The following NINL variants were observed in gnomAD, a reference collection of about 807,000 sequenced individuals.
The protein encoded by NINL is ninein-like protein.
NINL carries 153 observed loss-of-function variants against 160.3 expected under a neutral mutation model. The observed-to-expected ratio is 0.95, with a 90% confidence interval of 0.84 to 1.09. NINL has a LOEUF of 1.09. NINL is among the 50% of genes least tolerant of loss of function. The pLI is 0.00. For synonymous variants in NINL, 800 were observed against 734.8 expected, an observed-to-expected ratio of 1.09 and a Z score of -1.43; for missense variants, 1,829 against 1,764.0, an observed-to-expected ratio of 1.04 and a Z score of -0.66.
chr20:25,455,439 C>T (rs117317877), intron 23 of NINL, among the ~76,000 whole-genome samples: 2,431 of 152,278 alleles, frequency 0.016, 36 homozygotes, highest in Non-Finnish European at 0.026. Context: ...ACTACATGAA[C>T]AAATGAACGG....
At position 25,461,506 on chromosome 20, in the gene NINL, C is replaced by G. The variant is rs777242361; in HGVS notation, c.3696+16G>C. On this transcript the variant is annotated intron_variant, in intron 21 of 23. Coordinates refer to ENST00000278886, the MANE Select transcript of NINL (RefSeq NM_025176.6). ...TGGGACTGGACCCAGTGCCTCCAGC[C>G]ATCGCTCACACCCACCTGGTCTTGA... 3 of 1,482,812 alleles carry G rather than the reference C, an allele frequency of 2.0e-6. No homozygotes were observed. Among genetic ancestry groups the G allele is most frequent in the Non-Finnish European group, 2.7e-6 (3 of 1,099,124 alleles). 91.9% of individuals were successfully genotyped at this position (1,482,812 alleles called of 1,614,324 possible). A position where few individuals can be genotyped will look rare whatever the true frequency, so the allele number is the denominator to read the frequency against.
At chr20:25,491,146 T>C (rs1345682228) in intron 11 of NINL, among the ~76,000 whole-genome samples, 2 of 152,220 alleles carry the variant, frequency 1.3e-5, no homozygotes, top group East Asian at 1.9e-4. Context: ...AGGGGCAATG[T>C]CCTGCTGGCA....
intron 4 of NINL, among the ~76,000 whole-genome samples, chr20:25,511,562 C>T (rs1217613238): frequency 6.6e-6 from 1 of 152,134 alleles, no homozygotes; most frequent in Non-Finnish European, 1.5e-5. Flanking sequence ...TACGCAACCC[C>T]ATTTTTTTAA....
chr20:25,453,717 C>T (rs902614639), intron 23 of NINL, 75 bp from the exon 24 acceptor site: 1 of 1,379,814 alleles, frequency 7.2e-7, no homozygotes. Flanking sequence ...TCTCTTTTAT[C>T]CTCCCAGGTT....
At chr20:25,487,092 C>T (rs1020746189) in intron 13 of NINL, among the ~76,000 whole-genome samples, 15 of 152,194 alleles carry the variant, frequency 9.9e-5, no homozygotes, top group Non-Finnish European at 4.4e-5. Context: ...ACCAGTTGTG[C>T]TGTGGCATCA....
At chr20:25,483,948 G>A (rs1277987633) in intron 13 of NINL, among the ~76,000 whole-genome samples, 5 of 152,234 alleles carry the variant, frequency 3.3e-5, no homozygotes, top group Non-Finnish European at 5.9e-5. Flanking sequence ...GACAGCAGAA[G>A]TGATGCCACG....
At chr20:25,565,723 G>C (rs2064991771) in intron 1 of NINL, among the ~76,000 whole-genome samples, 1 of 152,188 alleles carries the variant, frequency 6.6e-6, no homozygotes, top group African/African-American at 2.4e-5. Flanking sequence ...TTCCAGGGCA[G>C]ATTAGCATGG....
intron 10 of NINL, among the ~76,000 whole-genome samples, chr20:25,493,375 G>A (rs978221109): frequency 1.3e-5 from 2 of 152,106 alleles, no homozygotes; most frequent in African/African-American, 4.8e-5. Context: ...GCACCAACAG[G>A]GATAGGTGGA....
At chr20:25,532,221 G>A (rs543175427) in intron 1 of NINL, among the ~76,000 whole-genome samples, 111 of 152,350 alleles carry the variant, frequency 7.3e-4, no homozygotes, top group African/African-American at 2.5e-3. Flanking sequence ...CCTTCCATGC[G>A]TGGGGCTCTC....
chr20:25,541,666 C>CTA (rs902733616), intron 1 of NINL, among the ~76,000 whole-genome samples: 43 of 152,252 alleles, frequency 2.8e-4, no homozygotes, highest in African/African-American at 9.1e-4. Flanking sequence ...TGAGCTCTTT[C>CTA]TATATATATC....
intron 1 of NINL, among the ~76,000 whole-genome samples, chr20:25,531,310 T>G (rs2064456868): frequency 6.6e-6 from 1 of 152,152 alleles, no homozygotes; most frequent in Non-Finnish European, 1.5e-5. Context: ...AAACAATTTG[T>G]GCAGTTAATG....
At chr20:25,526,258 C>G in intron 2 of NINL, 150 bp downstream of exon 2, 1 of 710,914 alleles carries the variant, frequency 1.4e-6, no homozygotes. Context: ...TGTAGAATTT[C>G]CATAGAGGGA....
At chr20:25,460,598 C>T (rs959173900) in intron 21 of NINL, among the ~76,000 whole-genome samples, 4 of 152,140 alleles carry the variant, frequency 2.6e-5, no homozygotes, top group African/African-American at 9.7e-5. Flanking sequence ...GAGAAGGGTG[C>T]CTCAAATAGG....
In NINL at chr20:25,480,227, T is replaced by A. The variant is rs757229734; in HGVS notation, c.1851A>T (p.Glu617Asp). The change falls in exon 15 of 24, where the codon GAA becomes GAT. Residue 617 changes from glutamate (E) to aspartate (D), a missense_variant. Coordinates refer to ENST00000278886, the MANE Select transcript of NINL (RefSeq NM_025176.6). ...FLGNSAPVSIETELMMEQVKE... is the reference protein window; with the variant it reads ...FLGNSAPVSIDTELMMEQVKE... ...TTACCTGCTCCATCATCAGCTCCGT[T>A]TCTATACTCACTGGAGCAGAATTAC... is the stretch of plus-strand genomic sequence containing the variant. 2 of 1,613,930 alleles carry A rather than the reference T, an allele frequency of 1.2e-6. No individual in the cohort carries two copies. The highest frequency in any genetic ancestry group is 4.5e-5 in the East Asian group (2 of 44,890).
chr20:25,458,307 G>C, intron 22 of NINL, 76 bp downstream of exon 22: 1 of 1,564,632 alleles, frequency 6.4e-7, no homozygotes, highest in South Asian at 1.1e-5. Flanking sequence ...GCAGCTTCTG[G>C]GTAACTGAGG....
intron 10 of NINL, 55 bp downstream of exon 10, chr20:25,496,608 T>A: frequency 6.3e-7 from 1 of 1,599,384 alleles, no homozygotes; most frequent in Non-Finnish European, 8.5e-7. Flanking sequence ...CTACCTGCCC[T>A]CAAAGGGGCT....
intron 17 of NINL, 37 bp from the exon 18 acceptor site, chr20:25,470,132 G>T: frequency 6.5e-7 from 1 of 1,547,520 alleles, no homozygotes; most frequent in Non-Finnish European, 8.9e-7. Flanking sequence ...TGAGCACTTG[G>T]GGAGCCACAT....
At chr20:25,569,420 G>C (rs558489114) in intron 1 of NINL, among the ~76,000 whole-genome samples, 1 of 152,252 alleles carries the variant, frequency 6.6e-6, no homozygotes, top group African/African-American at 2.4e-5. Context: ...ATTTACCTGG[G>C]AGCGTCTGTG....
intron 1 of NINL, among the ~76,000 whole-genome samples, chr20:25,578,450 A>T: frequency 6.6e-6 from 1 of 152,032 alleles, no homozygotes; most frequent in Non-Finnish European, 1.5e-5. Flanking sequence ...ACACAAAGCC[A>T]CAAAAAGCAA....
Sources: allele counts gnomAD v4.1 joint callset (sites outside exome capture counted in the v4.1 genomes callset), GRCh38; gene constraint gnomAD v4.1.1; transcripts MANE v1.5; gene names NCBI Gene and HGNC (gene_info 2026-07-23, HGNC 2026-07-21).